Variants in MEMO1 observed in about 807,000 individuals in gnomAD.
MEMO1 encodes protein MEMO1.
In MEMO1, 6 loss-of-function variants were observed where a neutral mutation model predicts 45.2. The observed-to-expected ratio is 0.13, with a 90% CI of 0.07 to 0.26. The LOEUF is 0.26. Ranked by LOEUF, MEMO1 falls within the 10% of genes least tolerant of loss-of-function variation. The pLI is 1.00. For missense variants in MEMO1, 184 were observed against 370.5 expected, an observed-to-expected ratio of 0.50 and a Z score of 4.13; for synonymous variants, 78 against 124.3, an observed-to-expected ratio of 0.63 and a Z score of 2.48.
chr2:32,002,186 T>TACACACACACACACACACAC (rs66840564), intron 2 of MEMO1, among the ~76,000 whole-genome samples: 6 of 116,068 alleles, frequency 5.2e-5, no homozygotes, highest in African/African-American at 2.1e-4. Flanking sequence ...TATATATATA[T>TACACACACACACACACACAC]ACACACACAC....
At chr2:32,007,036 T>C (rs544486426) in intron 2 of MEMO1, among the ~76,000 whole-genome samples, 2 of 152,054 alleles carry the variant, frequency 1.3e-5, no homozygotes, top group East Asian at 3.9e-4. Context: ...AAAATGCTAT[T>C]TGCATCATAT....
intron 2 of MEMO1, among the ~76,000 whole-genome samples, chr2:31,992,491 G>C (rs1328839124): frequency 6.6e-6 from 1 of 152,162 alleles, no homozygotes; most frequent in African/African-American, 2.4e-5. Flanking sequence ...AATGTCAAAA[G>C]TGAATTAATG....
intron 2 of MEMO1, among the ~76,000 whole-genome samples, chr2:32,009,230 G>A (rs953063369): frequency 1.3e-5 from 2 of 152,196 alleles, no homozygotes; most frequent in Non-Finnish European, 2.9e-5. Context: ...AATTCGTTAG[G>A]TAGTTCCAGC....
chr2:31,906,123 C>T (rs1056333611), intron 6 of MEMO1, among the ~76,000 whole-genome samples: 1 of 151,636 alleles, frequency 6.6e-6, no homozygotes, highest in Admixed American at 6.6e-5. Flanking sequence ...AGGCACACAC[C>T]CACACCTGGC....
At chr2:31,924,460 A>AT (rs397870564) in intron 4 of MEMO1, among the ~76,000 whole-genome samples, 5 of 151,556 alleles carry the variant, frequency 3.3e-5, no homozygotes, top group Admixed American at 6.6e-5. Context: ...AAAAAAAAAA[A>AT]CCTTTAACAC....
At chr2:31,995,555 CAGA>C (rs1672487146) in intron 2 of MEMO1, among the ~76,000 whole-genome samples, 1 of 151,770 alleles carries the variant, frequency 6.6e-6, no homozygotes, top group Admixed American at 6.6e-5. Flanking sequence ...TTAGATACTG[CAGA>C]AGATCACTGA....
intron 2 of MEMO1, among the ~76,000 whole-genome samples, chr2:31,957,509 A>G (rs890186372): frequency 2.0e-5 from 3 of 152,218 alleles, no homozygotes; most frequent in Non-Finnish European, 4.4e-5. Context: ...TATAGATTAC[A>G]GTAATTAGAT....
At position 31,920,907 on chromosome 2, in the gene MEMO1, C is replaced by G. The variant is rs776871276; in HGVS notation, c.216G>C (p.Arg72=). ...AYKQVDPSIT[R]RIFILGPSHH... ...GAGAAGGCCCAAGGATGAAAATTCTCCGGCTAGGAGATACACAACAAAAAA... is the reference window on the plus strand; with the variant it reads ...GAGAAGGCCCAAGGATGAAAATTCTGCGGCTAGGAGATACACAACAAAAAA... The change falls in exon 5 of 10, where the codon CGG becomes CGC. Residue 72 remains arginine, a synonymous_variant. Coordinates refer to ENST00000404530, the MANE Select transcript of MEMO1 (RefSeq NM_001301833.4). 34 of 1,607,008 alleles carry G rather than the reference C, an allele frequency of 2.1e-5. No individual in the cohort carries two copies. The highest frequency in any genetic ancestry group is 3.4e-5 in the Admixed American group (2 of 59,250).
At chr2:31,890,028 T>C (rs1379664485) in intron 7 of MEMO1, among the ~76,000 whole-genome samples, 1 of 152,130 alleles carries the variant, frequency 6.6e-6, no homozygotes, top group Non-Finnish European at 1.5e-5. Flanking sequence ...TTTCTAAGAA[T>C]CTAGGTAGAA....
chr2:32,005,841 T>A (rs993635441), intron 2 of MEMO1, among the ~76,000 whole-genome samples: 2 of 152,130 alleles, frequency 1.3e-5, no homozygotes, highest in Non-Finnish European at 2.9e-5. Context: ...TACAAAAAAA[T>A]GAGTAAGACA....
chr2:31,943,936 C>T (rs188344882), intron 2 of MEMO1, among the ~76,000 whole-genome samples: 86 of 152,270 alleles, frequency 5.6e-4, no homozygotes, highest in African/African-American at 2.0e-3. Context: ...ACTAATTTTT[C>T]CAGTTCACTA....
chr2:31,959,579 G>T (rs1041099879), intron 2 of MEMO1, among the ~76,000 whole-genome samples: 1 of 151,918 alleles, frequency 6.6e-6, no homozygotes, highest in Non-Finnish European at 1.5e-5. Context: ...TTCAGGGGTT[G>T]CAGGTAAAAG....
At chr2:31,971,430 T>C (rs977245869) in intron 2 of MEMO1, among the ~76,000 whole-genome samples, 2 of 152,084 alleles carry the variant, frequency 1.3e-5, no homozygotes, top group African/African-American at 4.8e-5. Flanking sequence ...TTTTAATTTT[T>C]TGTAGCCCAG....
chr2:31,901,544 T>C (rs925465412), intron 6 of MEMO1, among the ~76,000 whole-genome samples: 6 of 152,110 alleles, frequency 3.9e-5, no homozygotes, highest in African/African-American at 1.4e-4. Flanking sequence ...AAATCAGTGG[T>C]TGTCTGAGAC....
chr2:31,969,572 GGGGTGTGTGTGTGGGTGTGT>G (rs1424014604), intron 2 of MEMO1, among the ~76,000 whole-genome samples: 10 of 108,542 alleles, frequency 9.2e-5, no homozygotes, highest in South Asian at 2.7e-4. Context: ...ATCTTTTCTG[GGGGTGTGTGTGTGGGTGTGT>G]GTGTGTGTGT....
intron 2 of MEMO1, among the ~76,000 whole-genome samples, chr2:31,973,546 A>C (rs1669654706): frequency 6.6e-6 from 1 of 152,234 alleles, no homozygotes; most frequent in Non-Finnish European, 1.5e-5. Context: ...CAAAAGCCAA[A>C]AGGTGGAACA....
intron 2 of MEMO1, among the ~76,000 whole-genome samples, chr2:32,001,165 C>A (rs1436393223): frequency 6.6e-6 from 1 of 151,558 alleles, no homozygotes; most frequent in African/African-American, 2.4e-5. Context: ...CAGCCTCCCG[C>A]GTAGCTGGGA....
chr2:31,890,232 A>G (rs936423072), intron 7 of MEMO1, among the ~76,000 whole-genome samples: 1 of 152,172 alleles, frequency 6.6e-6, no homozygotes, highest in Non-Finnish European at 1.5e-5. Flanking sequence ...CTAGAGAGAA[A>G]GCCCAGGTTC....
intron 2 of MEMO1, among the ~76,000 whole-genome samples, chr2:31,976,163 AC>A (rs1669978016): frequency 6.6e-6 from 1 of 152,216 alleles, no homozygotes; most frequent in Non-Finnish European, 1.5e-5. Flanking sequence ...GCAAATTCTC[AC>A]AGTTTAAAAT....
Sources: gnomAD v4.1 joint callset for allele counts (sites outside exome capture counted in the v4.1 genomes callset) on GRCh38, gnomAD v4.1.1 for gene constraint, MANE v1.5 for transcripts, NCBI Gene and HGNC (gene_info 2026-07-23, HGNC 2026-07-21) for gene names.